The following ROBO1 variants were observed in gnomAD, a reference collection of about 807,000 sequenced individuals.
ROBO1 encodes roundabout guidance receptor 1.
ROBO1 carries 149 observed loss-of-function variants against 195.9 expected under a neutral mutation model. That is an observed-to-expected ratio of 0.76 (90% CI 0.67 to 0.87). The LOEUF is 0.87. Among genes scored for constraint, ROBO1 ranks in the 40% least tolerant of loss-of-function variants. The pLI is 0.00. For synonymous variants in ROBO1, 816 were observed against 733.2 expected, an observed-to-expected ratio of 1.11 and a Z score of -1.82; for missense variants, 1,933 against 2,068.3, an observed-to-expected ratio of 0.93 and a Z score of 1.27.
At chr3:79,098,894 T>A (rs2079620909) in intron 3 of ROBO1, among the ~76,000 whole-genome samples, 1 of 151,768 alleles carries the variant, frequency 6.6e-6, no homozygotes, top group African/African-American at 2.4e-5. Context: ...GTCTTACAAT[T>A]TTCTGCCTCC....
chr3:78,887,163 A>T (rs1157736702), intron 4 of ROBO1, among the ~76,000 whole-genome samples: 1 of 152,216 alleles, frequency 6.6e-6, no homozygotes, highest in Non-Finnish European at 1.5e-5. Flanking sequence ...CTTGGAGAGT[A>T]AAGGAGAGAG....
chr3:78,823,776 C>T (rs1576237677), intron 4 of ROBO1, among the ~76,000 whole-genome samples: 1 of 152,200 alleles, frequency 6.6e-6, no homozygotes, highest in Non-Finnish European at 1.5e-5. Context: ...TGTGTCACCT[C>T]ATTAGGGATT....
At chr3:78,888,718 T>G (rs1291129719) in intron 4 of ROBO1, among the ~76,000 whole-genome samples, 1 of 152,186 alleles carries the variant, frequency 6.6e-6, no homozygotes, top group Non-Finnish European at 1.5e-5. Flanking sequence ...TAGATCAAGT[T>G]TGCAGTGGTA....
intron 1 of ROBO1, among the ~76,000 whole-genome samples, chr3:79,700,653 T>C (rs1036162921): frequency 9.9e-5 from 15 of 151,902 alleles, no homozygotes; most frequent in African/African-American, 3.6e-4. Context: ...TTCATGTTTG[T>C]TGGCCACCTG....
intron 2 of ROBO1, among the ~76,000 whole-genome samples, chr3:79,157,716 T>C (rs1229314160): frequency 1.3e-5 from 2 of 151,914 alleles, no homozygotes; most frequent in African/African-American, 4.8e-5. Flanking sequence ...AAGTAATATG[T>C]GCATAAAGTA....
intron 2 of ROBO1, among the ~76,000 whole-genome samples, chr3:79,161,535 A>C (rs779350670): frequency 2.2e-4 from 34 of 152,140 alleles, no homozygotes; most frequent in Non-Finnish European, 4.6e-4. Flanking sequence ...GGGTCTTTGA[A>C]AAAAAGAAAT....
At chr3:79,106,957 C>T (rs2079792681) in intron 3 of ROBO1, among the ~76,000 whole-genome samples, 1 of 151,588 alleles carries the variant, frequency 6.6e-6, no homozygotes, top group South Asian at 2.1e-4. Context: ...GTCTTTGTTG[C>T]TCTGCTCAGC....
intron 3 of ROBO1, among the ~76,000 whole-genome samples, chr3:79,009,029 C>T (rs1034606637): frequency 2.7e-4 from 41 of 151,414 alleles, no homozygotes; most frequent in Non-Finnish European, 5.0e-4. Context: ...CAACTTCTGC[C>T]TCCCGGGTTC....
chr3:79,669,103 G>A (rs1946556854), intron 1 of ROBO1, among the ~76,000 whole-genome samples: 1 of 151,812 alleles, frequency 6.6e-6, no homozygotes, highest in Admixed American at 6.6e-5. Flanking sequence ...TAATTTCTAC[G>A]TGTTGTGGGA....
intron 2 of ROBO1, among the ~76,000 whole-genome samples, chr3:79,471,121 C>T (rs1422939381): frequency 3.3e-5 from 5 of 152,072 alleles, no homozygotes; most frequent in Admixed American, 2.0e-4. Flanking sequence ...AAGGAAACTG[C>T]ACCCTTATCT....
chr3:79,018,922 G>A (rs1172143213), intron 3 of ROBO1: 2 of 988,158 alleles, frequency 2.0e-6, no homozygotes, highest in Non-Finnish European at 2.4e-6. Flanking sequence ...TCCGTCTCCC[G>A]GCGAGCCCAG....
intron 1 of ROBO1, among the ~76,000 whole-genome samples, chr3:79,634,812 A>G (rs2108041487): frequency 6.6e-6 from 1 of 152,296 alleles, no homozygotes; most frequent in South Asian, 2.1e-4. Context: ...TGTGCCTTCA[A>G]TGTTTGTAAT....
chr3:78,659,209 T>G (rs1293508732), intron 17 of ROBO1, among the ~76,000 whole-genome samples: 1 of 152,208 alleles, frequency 6.6e-6, no homozygotes, highest in Non-Finnish European at 1.5e-5. Context: ...CTAGAAAATC[T>G]TACTTGAAAT....
chr3:79,671,587 A>G (rs1946633358), intron 1 of ROBO1, among the ~76,000 whole-genome samples: 1 of 151,948 alleles, frequency 6.6e-6, no homozygotes, highest in Admixed American at 6.6e-5. Context: ...TATGGTTAAC[A>G]TTGAAACAAC....
intron 2 of ROBO1, among the ~76,000 whole-genome samples, chr3:79,216,171 AT>A (rs1259133682): frequency 1.3e-5 from 2 of 152,050 alleles, no homozygotes; most frequent in East Asian, 1.9e-4. Flanking sequence ...TCATCAAATA[AT>A]TTTTTTAAGG....
intron 1 of ROBO1, among the ~76,000 whole-genome samples, chr3:79,667,346 A>G (rs970361977): frequency 6.6e-6 from 1 of 151,790 alleles, no homozygotes; most frequent in Non-Finnish European, 1.5e-5. Flanking sequence ...TCAAATGAGC[A>G]TTTTCTTCTA....
At position 78,668,027 on chromosome 3, in the gene ROBO1, GCCAGCTGCTA is replaced by G; in HGVS notation, c.1812_1821del (p.Ser605ArgfsTer3). 1 of 1,613,508 alleles carries G rather than the reference GCCAGCTGCTA, an allele frequency of 6.2e-7. No individual in the cohort carries two copies. Among genetic ancestry groups the G allele is most frequent in the Non-Finnish European group, 8.5e-7 (1 of 1,179,676 alleles). ...GTTTTCACATTCTCTGCTACGGTCT[GCCAGCTGCTA>G]CCAGATGCATGGCTAAGGATAGACA... On this transcript the variant is annotated frameshift_variant, in exon 14 of 31. Coordinates refer to ENST00000464233, the MANE Select transcript of ROBO1 (RefSeq NM_002941.4). LOFTEE classifies it high-confidence loss of function.
chr3:79,410,685 GAGAGAAAGA>G (rs1173750533), intron 2 of ROBO1, among the ~76,000 whole-genome samples: 10 of 151,856 alleles, frequency 6.6e-5, no homozygotes, highest in African/African-American at 2.4e-4. Context: ...AAAAAGAAAG[GAGAGAAAGA>G]AGGGAAAGAA....
At chr3:79,725,727 T>A (rs1397640674) in intron 1 of ROBO1, among the ~76,000 whole-genome samples, 3 of 152,118 alleles carry the variant, frequency 2.0e-5, no homozygotes, top group Non-Finnish European at 4.4e-5. Flanking sequence ...TTAAGAAAAT[T>A]TTGTATGTCT....
Sources: allele counts gnomAD v4.1 joint callset (sites outside exome capture counted in the v4.1 genomes callset), GRCh38; gene constraint gnomAD v4.1.1; transcripts MANE v1.5; gene names NCBI Gene and HGNC (gene_info 2026-07-23, HGNC 2026-07-21).